SNTG2: variants seen among roughly 807,000 people sequenced by gnomAD.
SNTG2 encodes the protein gamma-2-syntrophin.
Under a neutral mutation model 70.9 loss-of-function variants are expected in SNTG2, and 74 were observed. The ratio of observed to expected loss-of-function variants is 1.04; its 90% CI spans 0.86 to 1.27. The LOEUF (loss-of-function observed/expected upper bound fraction) is 1.27, where lower values mean the gene tolerates loss of function less well. SNTG2 is among the 50% of genes most tolerant of loss of function. The pLI, the probability that SNTG2 is intolerant of heterozygous loss-of-function variation, is 0.00. For missense variants in SNTG2, 717 were observed against 690.7 expected (o/e 1.04, Z -0.43); for synonymous variants, 278 against 273.8 (o/e 1.02, Z -0.15).
intron 4 of SNTG2, among the ~76,000 whole-genome samples, chr2:1,106,176 GACAC>G (rs1372365466): frequency 2.5e-5 from 3 of 118,442 alleles, no homozygotes; most frequent in Admixed American, 8.9e-5. Context: ...GGTAATAGTG[GACAC>G]ATGCTGTCAC....
intron 8 of SNTG2, among the ~76,000 whole-genome samples, chr2:1,200,071 C>A (rs1673182050): frequency 6.6e-6 from 1 of 151,524 alleles, no homozygotes; most frequent in Admixed American, 6.6e-5. Flanking sequence ...CAATCTTAAG[C>A]AAAAAGAACA....
At chr2:1,324,358 G>A (rs969915016) in intron 16 of SNTG2, among the ~76,000 whole-genome samples, 1 of 152,108 alleles carries the variant, frequency 6.6e-6, no homozygotes, top group Non-Finnish European at 1.5e-5. Context: ...TTTCTCAGAA[G>A]TAAAACAATA....
intron 1 of SNTG2, among the ~76,000 whole-genome samples, chr2:1,076,716 A>G (rs1033269877): frequency 7.2e-5 from 11 of 152,252 alleles, no homozygotes; most frequent in African/African-American, 2.7e-4. Flanking sequence ...TTTAGTATTT[A>G]TGATTATTCT....
At chr2:1,023,958 G>A (rs1245241639) in intron 1 of SNTG2, among the ~76,000 whole-genome samples, 1 of 152,224 alleles carries the variant, frequency 6.6e-6, no homozygotes, top group African/African-American at 2.4e-5. Flanking sequence ...AAAAACTGGT[G>A]TGTGCTTTAC....
chr2:1,164,667 G>A (rs1447743939), intron 6 of SNTG2, among the ~76,000 whole-genome samples: 1 of 151,954 alleles, frequency 6.6e-6, no homozygotes, highest in Non-Finnish European at 1.5e-5. Flanking sequence ...ACCTGCCCTA[G>A]GAGGATGAAG....
rs555134028 is a variant in SNTG2 at position 1,097,105 on chromosome 2, A to T, written c.211-1091A>T. Reference sequence around the variant, plus strand: ...AAAGTATTATTTGCTGTGTCCCCATATACACACTTTAACACAGGTATATTT... The same window carrying T: ...AAAGTATTATTTGCTGTGTCCCCATTTACACACTTTAACACAGGTATATTT... On this transcript the variant is annotated intron_variant, in intron 2 of 16. Transcript: ENST00000308624. The surrounding 1 kb of genome is among the most constrained non-coding windows in gnomAD (Gnocchi z 4.1). Among the ~76,000 whole-genome samples the T allele has an allele frequency of 1.2e-4, 19 of 152,314 alleles. No homozygotes were observed. The highest frequency in any genetic ancestry group is 4.6e-4 in the African/African-American group (19 of 41,578).
intron 1 of SNTG2, among the ~76,000 whole-genome samples, chr2:1,025,717 C>CT (rs1402967649): frequency 6.6e-6 from 1 of 152,172 alleles, no homozygotes; most frequent in Admixed American, 6.5e-5. Context: ...ATGGAGGCCC[C>CT]TGTGATGACA....
intron 1 of SNTG2, among the ~76,000 whole-genome samples, chr2:1,074,564 A>G (rs1432528092): frequency 6.6e-6 from 1 of 152,258 alleles, no homozygotes; most frequent in Non-Finnish European, 1.5e-5. Context: ...TTCTATAAAA[A>G]TGAAAAGATA....
At chr2:985,227 G>T (rs558351162) in intron 1 of SNTG2, among the ~76,000 whole-genome samples, 2 of 151,968 alleles carry the variant, frequency 1.3e-5, no homozygotes, top group South Asian at 4.2e-4. Context: ...TTTATATCGG[G>T]TTCCATCAAA....
At chr2:1,080,248 G>A (rs984682515) in intron 1 of SNTG2, among the ~76,000 whole-genome samples, 4 of 151,956 alleles carry the variant, frequency 2.6e-5, no homozygotes, top group Admixed American at 6.5e-5. Context: ...AGATTCCTAG[G>A]TCATCATGGA....
intron 8 of SNTG2, among the ~76,000 whole-genome samples, chr2:1,188,745 C>T (rs1448434337): frequency 6.6e-6 from 1 of 152,120 alleles, no homozygotes; most frequent in Non-Finnish European, 1.5e-5. Flanking sequence ...TCAGTCATCT[C>T]TCTCAAATAT....
At chr2:1,165,504 T>A in intron 6 of SNTG2, 44 bp from the exon 7 acceptor site, 2 of 1,520,126 alleles carry the variant, frequency 1.3e-6, no homozygotes, top group African/African-American at 1.4e-5. Flanking sequence ...CTGTGTCTGG[T>A]TCTTTTGTGG....
At chr2:1,074,180 A>C (rs1663768063) in intron 1 of SNTG2, among the ~76,000 whole-genome samples, 1 of 152,206 alleles carries the variant, frequency 6.6e-6, no homozygotes, top group South Asian at 2.1e-4. Context: ...CGGCAGCTGC[A>C]GTGTAGCCCC....
chr2:988,256 A>T (rs1480452985), intron 1 of SNTG2, among the ~76,000 whole-genome samples: 3 of 152,202 alleles, frequency 2.0e-5, no homozygotes, highest in Non-Finnish European at 4.4e-5. Flanking sequence ...CCATGCTCAG[A>T]TGTAATCATA....
intron 1 of SNTG2, among the ~76,000 whole-genome samples, chr2:955,416 A>G (rs1383512359): frequency 2.0e-5 from 3 of 152,190 alleles, no homozygotes; most frequent in Non-Finnish European, 1.5e-5. Context: ...ATTGGCCTCC[A>G]TTTTATAAAT....
At chr2:1,214,826 A>C (rs1456149307) in intron 9 of SNTG2, among the ~76,000 whole-genome samples, 1 of 152,166 alleles carries the variant, frequency 6.6e-6, no homozygotes, top group Non-Finnish European at 1.5e-5. Flanking sequence ...TTTAAGGGAA[A>C]ACCTTTCAGC....
intron 8 of SNTG2, among the ~76,000 whole-genome samples, chr2:1,203,872 A>G (rs1019263820): frequency 9.2e-5 from 14 of 152,110 alleles, no homozygotes; most frequent in Admixed American, 4.6e-4. Context: ...AACATTCAAA[A>G]TCCAAATTTA....
chr2:1,185,928 G>A (rs995821618), intron 8 of SNTG2, among the ~76,000 whole-genome samples: 3 of 152,140 alleles, frequency 2.0e-5, no homozygotes, highest in African/African-American at 7.2e-5. Context: ...TCTACCACAT[G>A]GATAGGCTGC....
intron 14 of SNTG2, among the ~76,000 whole-genome samples, chr2:1,295,755 G>A (rs1474174247): frequency 2.0e-5 from 3 of 151,980 alleles, no homozygotes; most frequent in Non-Finnish European, 4.4e-5. Context: ...GGCTTCCACT[G>A]TAGAAGGCTG....
Sources: allele counts gnomAD v4.1 joint callset (sites outside exome capture counted in the v4.1 genomes callset), GRCh38; gene constraint gnomAD v4.1.1; non-coding constraint Gnocchi (gnomAD v3.1); transcripts MANE v1.5; gene names NCBI Gene and HGNC (gene_info 2026-07-23, HGNC 2026-07-21).